The following SKAP1 variants were observed in gnomAD, a reference collection of about 807,000 sequenced individuals.
SKAP1 encodes src kinase associated phosphoprotein 1.
Under a neutral mutation model 58.5 loss-of-function variants are expected in SKAP1, and 44 were observed. The observed-to-expected ratio is 0.75, with a 90% CI of 0.59 to 0.97. The LOEUF is 0.97. Among genes scored for constraint, SKAP1 ranks in the 50% least tolerant of loss-of-function variants. The pLI, the probability that SKAP1 is intolerant of heterozygous loss-of-function variation, is 0.00. For synonymous variants in SKAP1, 127 were observed against 149.7 expected (o/e 0.85, Z 1.11); for missense variants, 390 against 435.2 (o/e 0.90, Z 0.92).
intron 1 of SKAP1, among the ~76,000 whole-genome samples, chr17:48,422,774 C>T (rs1002513090): frequency 6.6e-6 from 1 of 151,924 alleles, no homozygotes; most frequent in African/African-American, 2.4e-5. Flanking sequence ...CGGCAACATC[C>T]AAAAAGTCAT....
chr17:48,218,602 G>A (rs1385930033), intron 4 of SKAP1, among the ~76,000 whole-genome samples: 1 of 152,230 alleles, frequency 6.6e-6, no homozygotes. Flanking sequence ...AAGAGCTTGT[G>A]TGCTACTCTG....
At chr17:48,184,914 G>A in intron 6 of SKAP1, 67 bp from the exon 7 acceptor site, 1 of 1,496,122 alleles carries the variant, frequency 6.7e-7, no homozygotes, top group Non-Finnish European at 9.1e-7. Context: ...CATCCTCTCT[G>A]GTATGTAAAA....
At chr17:48,400,848 G>C (rs1680514885) in intron 1 of SKAP1, among the ~76,000 whole-genome samples, 1 of 152,140 alleles carries the variant, frequency 6.6e-6, no homozygotes, top group South Asian at 2.1e-4. Context: ...TTCATGATCA[G>C]AAGACTTAAT....
In SKAP1 at chr17:48,170,651, G is replaced by C; in HGVS notation, c.835C>G (p.His279Asp). The C allele has an allele frequency of 6.2e-7, 1 of 1,612,978 alleles. No homozygotes were observed. The highest frequency in any genetic ancestry group is 8.5e-7 in the Non-Finnish European group (1 of 1,179,478). Residue 279 changes from histidine to aspartate, a missense_variant, in exon 10 of 13, where the codon CAT becomes GAT. By Grantham distance (81) the His-to-Asp change is moderately conservative. Coordinates refer to ENST00000336915, the MANE Select transcript of SKAP1 (RefSeq NM_003726.4). ...CCACTCTCATCCTCTTCTAGATCAT[G>C]CTCTTCATCTGGGGGGATAAATGAT... ...DIYEVLPDEE[H>D]DLEEDESGTR...
At chr17:48,389,003 A>G (rs1406652942) in intron 2 of SKAP1, among the ~76,000 whole-genome samples, 1 of 152,246 alleles carries the variant, frequency 6.6e-6, no homozygotes, top group Non-Finnish European at 1.5e-5. Context: ...TCTGTAAATT[A>G]TAATGAGAAC....
chr17:48,300,044 T>C (rs2066037450), intron 4 of SKAP1, among the ~76,000 whole-genome samples: 1 of 152,124 alleles, frequency 6.6e-6, no homozygotes, highest in African/African-American at 2.4e-5. Flanking sequence ...GAAGCTGCAG[T>C]GTTATGAGAA....
intron 4 of SKAP1, among the ~76,000 whole-genome samples, chr17:48,287,362 AT>A (rs67933106): frequency 0.013 from 1,927 of 150,718 alleles, 34 homozygotes; most frequent in African/African-American, 0.043. Flanking sequence ...GGGTAATTAC[AT>A]TTTTTTTTAG....
intron 11 of SKAP1, among the ~76,000 whole-genome samples, chr17:48,158,979 A>G (rs961767261): frequency 4.0e-5 from 6 of 151,498 alleles, no homozygotes; most frequent in Admixed American, 3.3e-4. Context: ...AAAAAAAAAA[A>G]AAGAAACAGC....
chr17:48,138,142 T>G (rs1325372406), intron 11 of SKAP1, among the ~76,000 whole-genome samples: 1 of 151,992 alleles, frequency 6.6e-6, no homozygotes, highest in Non-Finnish European at 1.5e-5. Flanking sequence ...AGAGTGAGGA[T>G]GCAGCTCCTT....
intron 4 of SKAP1, among the ~76,000 whole-genome samples, chr17:48,219,525 A>G (rs759125676): frequency 1.3e-5 from 2 of 152,240 alleles, no homozygotes; most frequent in Non-Finnish European, 2.9e-5. Flanking sequence ...CTCTGAATAC[A>G]TATTATGGAG....
chr17:48,144,657 C>T (rs62066403), intron 11 of SKAP1, among the ~76,000 whole-genome samples: 3 of 152,076 alleles, frequency 2.0e-5, no homozygotes, highest in African/African-American at 4.8e-5. Flanking sequence ...TCAGGCAGAC[C>T]CCAGCTCTGA....
At chr17:48,295,620 C>CT (rs35808845) in intron 4 of SKAP1, 12,455 of 142,316 alleles carry the variant, frequency 0.088, 616 homozygotes, top group East Asian at 0.18. Context: ...GTCACTTCCT[C>CT]TTTTTTTTTT....
chr17:48,322,132 T>C (rs1389529360), intron 4 of SKAP1, among the ~76,000 whole-genome samples: 1 of 152,248 alleles, frequency 6.6e-6, no homozygotes, highest in East Asian at 1.9e-4. Flanking sequence ...ACTTAAAGTT[T>C]TTGTAGAATT....
At chr17:48,158,319 G>T (rs2064012885) in intron 11 of SKAP1, among the ~76,000 whole-genome samples, 1 of 151,808 alleles carries the variant, frequency 6.6e-6, no homozygotes, top group Admixed American at 6.6e-5. Flanking sequence ...GGCCGAGGCG[G>T]GCGGATCACG....
chr17:48,387,827 T>TA (rs1029419150), intron 2 of SKAP1, among the ~76,000 whole-genome samples: 8 of 152,070 alleles, frequency 5.3e-5, no homozygotes, highest in South Asian at 2.1e-4. Context: ...TTCCTTTTTT[T>TA]AAAAAAAATC....
intron 10 of SKAP1, among the ~76,000 whole-genome samples, chr17:48,168,116 TAACA>T (rs2064162527): frequency 6.6e-6 from 1 of 152,072 alleles, no homozygotes; most frequent in African/African-American, 2.4e-5. Flanking sequence ...ACAGGGTCAT[TAACA>T]CTCAATAAGG....
At chr17:48,372,218 C>A (rs1177097666) in intron 2 of SKAP1, among the ~76,000 whole-genome samples, 1 of 152,194 alleles carries the variant, frequency 6.6e-6, no homozygotes, top group Non-Finnish European at 1.5e-5. Flanking sequence ...GTGATTTACC[C>A]ACCTCAGCCT....
chr17:48,172,463 T>C (rs1377050649), intron 9 of SKAP1, among the ~76,000 whole-genome samples: 1 of 152,200 alleles, frequency 6.6e-6, no homozygotes, highest in Non-Finnish European at 1.5e-5. Flanking sequence ...ACCAGAATCA[T>C]ATTTAGCTAT....
At chr17:48,160,112 T>C (rs2064046424) in intron 11 of SKAP1, among the ~76,000 whole-genome samples, 1 of 152,090 alleles carries the variant, frequency 6.6e-6, no homozygotes, top group Non-Finnish European at 1.5e-5. Context: ...AACCCTGATA[T>C]ATTTGCTTTC....
Sources: allele counts gnomAD v4.1 joint callset (sites outside exome capture counted in the v4.1 genomes callset), GRCh38; gene constraint gnomAD v4.1.1; transcripts MANE v1.5; gene names NCBI Gene and HGNC (gene_info 2026-07-23, HGNC 2026-07-21).